ABI3BP: variants seen among roughly 807,000 people sequenced by gnomAD.
ABI3BP encodes the protein target of Nesh-SH3.
ABI3BP carries 216 observed loss-of-function variants against 268.6 expected under a neutral mutation model. The ratio of observed to expected loss-of-function variants is 0.80; its 90% confidence interval spans 0.72 to 0.90. ABI3BP has a LOEUF of 0.90. Among genes scored for constraint, ABI3BP ranks in the 40% least tolerant of loss-of-function variants. The pLI, the probability that ABI3BP is intolerant of heterozygous loss-of-function variation, is 0.00. For synonymous variants in ABI3BP, 730 were observed against 730.0 expected, an observed-to-expected ratio of 1.00 and a Z score of 0.00; for missense variants, 2,090 against 2,182.4, an observed-to-expected ratio of 0.96 and a Z score of 0.84.
chr3:100,833,388 T>C (rs1341227777), intron 29 of ABI3BP, among the ~76,000 whole-genome samples: 1 of 152,210 alleles, frequency 6.6e-6, no homozygotes, highest in African/African-American at 2.4e-5. Context: ...CTTATTTTTA[T>C]ATTATCTGAT....
At chr3:100,861,832 TG>T (rs2099002297) in intron 14 of ABI3BP, among the ~76,000 whole-genome samples, 2 of 152,222 alleles carry the variant, frequency 1.3e-5, no homozygotes, top group East Asian at 3.8e-4. Flanking sequence ...CGCAAGGACC[TG>T]TGGTCTCTCC....
intron 3 of ABI3BP, 29 bp from the exon 4 acceptor site, chr3:100,898,923 T>C: frequency 1.3e-6 from 2 of 1,569,884 alleles, no homozygotes; most frequent in Non-Finnish European, 1.7e-6. Context: ...GGTTAATAAT[T>C]CAGGAGACAT....
intron 14 of ABI3BP, among the ~76,000 whole-genome samples, chr3:100,861,622 T>C (rs2098999613): frequency 1.3e-5 from 2 of 152,044 alleles, no homozygotes; most frequent in Admixed American, 6.5e-5. Flanking sequence ...CAGAATTTAA[T>C]TGAGAAAAAT....
intron 21 of ABI3BP, among the ~76,000 whole-genome samples, chr3:100,841,329 A>G (rs1290596031): frequency 6.6e-6 from 1 of 151,284 alleles, no homozygotes. Flanking sequence ...GAAAATCTGC[A>G]AAAGTTAGAG....
At chr3:100,949,318 C>T (rs892854745) in intron 1 of ABI3BP, among the ~76,000 whole-genome samples, 2 of 152,098 alleles carry the variant, frequency 1.3e-5, no homozygotes, top group African/African-American at 2.4e-5. Context: ...TGCAGTGGTG[C>T]GATCTTGGCT....
At chr3:100,875,667 G>T in intron 7 of ABI3BP, 88 bp from the exon 8 acceptor site, 2 of 919,818 alleles carry the variant, frequency 2.2e-6, no homozygotes, top group South Asian at 1.4e-5. Context: ...CACTGGAAAA[G>T]CCTTGATCTA....
chr3:100,967,140 C>T (rs777919382), intron 1 of ABI3BP, among the ~76,000 whole-genome samples: 2 of 152,044 alleles, frequency 1.3e-5, no homozygotes, highest in African/African-American at 2.4e-5. Flanking sequence ...AAAGGTAAAT[C>T]TTGTTGGATT....
At chr3:100,807,454 T>C (rs780597703) in intron 50 of ABI3BP, among the ~76,000 whole-genome samples, 27 of 152,028 alleles carry the variant, frequency 1.8e-4, no homozygotes, top group Non-Finnish European at 3.4e-4. Context: ...TTAGAACATA[T>C]TTAAAATTAT....
intron 4 of ABI3BP, among the ~76,000 whole-genome samples, chr3:100,894,965 A>AAAAAAAAAAAAAAAAC (rs760156604): frequency 3.9e-4 from 47 of 120,858 alleles, no homozygotes; most frequent in Non-Finnish European, 7.0e-4. Context: ...AAAAAAAAAA[A>AAAAAAAAAAAAAAAAC]AACAGAAAAA....
chr3:100,850,213 T>C (rs766827515), intron 16 of ABI3BP, 94 bp from the exon 17 acceptor site: 31 of 1,047,104 alleles, frequency 3.0e-5, no homozygotes, highest in Non-Finnish European at 4.3e-5. Flanking sequence ...ATAAAGCACA[T>C]GCCACGAGTA....
intron 1 of ABI3BP, among the ~76,000 whole-genome samples, chr3:100,943,829 T>C (rs1414373677): frequency 6.6e-6 from 1 of 152,128 alleles, no homozygotes; most frequent in Non-Finnish European, 1.5e-5. Flanking sequence ...CTTTTGATTG[T>C]ACTATTTTTA....
At chr3:100,991,183 C>T (rs1324855780) in intron 1 of ABI3BP, among the ~76,000 whole-genome samples, 4 of 152,174 alleles carry the variant, frequency 2.6e-5, no homozygotes, top group Admixed American at 6.5e-5. Flanking sequence ...AATCACTAGA[C>T]TAAGTGATCA....
rs1000769168 is a variant in ABI3BP at position 100,816,018 on chromosome 3, T to A, written c.3230-47A>T. On this transcript the variant is annotated intron_variant, in intron 43 of 67. Coordinates refer to ENST00000471714, the MANE Select transcript of ABI3BP (RefSeq NM_001375547.2). ...AATACAAGAAAGCTTAAAGACTTTT[T>A]AAAAAAAATCCTCAATTTTTATTTT... The A allele has an allele frequency of 3.8e-5, 52 of 1,359,220 alleles. No individual in the cohort carries two copies. The African/African-American group carries it at 7.1e-4, about 19-fold the overall frequency. The allele number at this position is 1,359,220 out of a possible 1,614,324, so 84.2% of individuals were successfully genotyped here. A position where few individuals can be genotyped will look rare whatever the true frequency, so the allele number is the denominator to read the frequency against.
At chr3:100,864,982 G>T in intron 10 of ABI3BP, 75 bp from the exon 11 acceptor site, 1 of 1,139,880 alleles carries the variant, frequency 8.8e-7, no homozygotes, top group Non-Finnish European at 1.3e-6. Flanking sequence ...ACATCCTGTT[G>T]CCTTTTAGAA....
intron 2 of ABI3BP, among the ~76,000 whole-genome samples, chr3:100,915,065 A>T (rs2058127195): frequency 6.6e-6 from 1 of 152,116 alleles, no homozygotes; most frequent in Non-Finnish European, 1.5e-5. Context: ...TTCTTCCACC[A>T]TCTCTGTCTT....
chr3:100,873,829 G>A (rs961688857), intron 9 of ABI3BP, among the ~76,000 whole-genome samples: 8 of 152,116 alleles, frequency 5.3e-5, no homozygotes, highest in African/African-American at 1.7e-4. Flanking sequence ...AGCAACTTGC[G>A]GTTTTGACAT....
chr3:100,898,634 C>A, intron 4 of ABI3BP, 128 bp downstream of exon 4: 2 of 1,083,374 alleles, frequency 1.8e-6, no homozygotes, highest in Non-Finnish European at 1.3e-6. Flanking sequence ...GGGCCCCTGA[C>A]TTTGTTCCCC....
chr3:100,848,916 T>G, intron 17 of ABI3BP, 41 bp from the exon 18 acceptor site: 1 of 1,568,362 alleles, frequency 6.4e-7, no homozygotes, highest in Non-Finnish European at 8.8e-7. Context: ...ATGATATTTT[T>G]CAGGGGTCAA....
intron 64 of ABI3BP, 21 bp from the exon 65 acceptor site, chr3:100,753,869 AAGTC>A (rs2095473304): frequency 1.2e-6 from 2 of 1,603,532 alleles, no homozygotes; most frequent in Non-Finnish European, 1.7e-6. Context: ...ATAAATAGAA[AAGTC>A]AGACCTTACT....
Sources: allele counts gnomAD v4.1 joint callset (sites outside exome capture counted in the v4.1 genomes callset), GRCh38; gene constraint gnomAD v4.1.1; transcripts MANE v1.5; gene names NCBI Gene and HGNC (gene_info 2026-07-23, HGNC 2026-07-21).